FGGY: variants seen among roughly 807,000 people sequenced by gnomAD.
FGGY encodes FGGY carbohydrate kinase domain containing.
In FGGY, 72 loss-of-function variants were observed where a neutral mutation model predicts 71.3. That is an observed-to-expected ratio of 1.01 (90% CI 0.84 to 1.23). The LOEUF is 1.23. Ranked by LOEUF, FGGY falls within the 50% of genes most tolerant of loss-of-function variation. The pLI is 0.00. For synonymous variants in FGGY, 251 were observed against 250.3 expected, an observed-to-expected ratio of 1.00 and a Z score of -0.02; for missense variants, 668 against 682.3, an observed-to-expected ratio of 0.98 and a Z score of 0.23.
intron 14 of FGGY, among the ~76,000 whole-genome samples, chr1:59,712,364 T>G (rs547241002): frequency 2.0e-5 from 3 of 152,280 alleles, no homozygotes; most frequent in African/African-American, 7.2e-5. Context: ...AGGCGTGCAG[T>G]GCAAGCCATC....
chr1:59,492,407 T>C (rs2093894170), intron 6 of FGGY, among the ~76,000 whole-genome samples: 1 of 152,174 alleles, frequency 6.6e-6, no homozygotes, highest in African/African-American at 2.4e-5. Flanking sequence ...TGTACGGTGA[T>C]CTGGATGGCT....
chr1:59,457,091 C>T lies in FGGY; in HGVS notation c.670+15C>T, dbSNP rs760816449. 1.3e-6 allele frequency: 2 copies of T among 1,544,962 alleles called. No homozygotes were observed. The highest frequency in any genetic ancestry group is 3.3e-5 in the Admixed American group (2 of 59,890). ...CAGCAAAATAGGTAAAAGAATAAAA[C>T]ATCTGTAGAGTGATTATGTGCATTG... is the stretch of plus-strand genomic sequence containing the variant. On this transcript the variant is annotated intron_variant, in intron 6 of 15. Transcript: ENST00000303721.
intron 1 of FGGY, among the ~76,000 whole-genome samples, chr1:59,313,474 A>G (rs1208795495): frequency 6.6e-6 from 1 of 152,194 alleles, no homozygotes; most frequent in East Asian, 1.9e-4. Flanking sequence ...GATAACACAT[A>G]TTAAAAGATG....
intron 8 of FGGY, among the ~76,000 whole-genome samples, chr1:59,575,652 T>G (rs775260020): frequency 6.6e-5 from 10 of 152,178 alleles, no homozygotes; most frequent in Admixed American, 1.3e-4. Flanking sequence ...AATTTGTCAT[T>G]TTTTTGAGGA....
intron 2 of FGGY, among the ~76,000 whole-genome samples, chr1:59,324,976 A>G (rs185460269): frequency 1.6e-4 from 25 of 152,350 alleles, no homozygotes; most frequent in Non-Finnish European, 1.8e-4. Flanking sequence ...TGTTGAGTAC[A>G]TAAATGAATG....
In FGGY at chr1:59,464,808, A is replaced by T. The variant is rs956342857; in HGVS notation, c.670+7732A>T. Among the ~76,000 whole-genome samples the T allele has an allele frequency of 5.3e-5, 8 of 152,354 alleles. 1 individual carries two copies. The highest frequency in any genetic ancestry group is 1.2e-4 in the African/African-American group (5 of 41,582). ...AATTCCTGGACACATACACCTTCCCAAGACTAAACCAGGAAAAAGTTGAAT... is the reference window on the plus strand; with the variant it reads ...AATTCCTGGACACATACACCTTCCCTAGACTAAACCAGGAAAAAGTTGAAT... On this transcript the variant is annotated intron_variant, in intron 6 of 15. Coordinates refer to ENST00000303721, the MANE Select transcript of FGGY (RefSeq NM_018291.5).
At chr1:59,745,961 A>AG (rs1558976056) in intron 14 of FGGY, among the ~76,000 whole-genome samples, 2 of 152,310 alleles carry the variant, frequency 1.3e-5, no homozygotes, top group South Asian at 2.1e-4. Context: ...AGCAGTCTCA[A>AG]GGGGGGCTGT....
intron 14 of FGGY, among the ~76,000 whole-genome samples, chr1:59,687,165 A>G (rs2097549996): frequency 6.6e-6 from 1 of 152,150 alleles, no homozygotes; most frequent in African/African-American, 2.4e-5. Context: ...TTGGGAGGTA[A>G]TGGTGGGAGA....
chr1:59,634,293 G>C (rs903622356), intron 10 of FGGY, among the ~76,000 whole-genome samples: 1 of 152,146 alleles, frequency 6.6e-6, no homozygotes, highest in East Asian at 1.9e-4. Context: ...TGTAGTCCCA[G>C]CTACTCGGGA....
intron 5 of FGGY, among the ~76,000 whole-genome samples, chr1:59,381,004 C>A (rs1378962418): frequency 6.6e-6 from 1 of 152,030 alleles, no homozygotes; most frequent in African/African-American, 2.4e-5. Flanking sequence ...TCAGCTTTCT[C>A]CATATGGCTA....
chr1:59,306,942 T>C (rs1172901529), intron 1 of FGGY, among the ~76,000 whole-genome samples: 1 of 152,090 alleles, frequency 6.6e-6, no homozygotes, highest in African/African-American at 2.4e-5. Flanking sequence ...AAACAGGCTA[T>C]GGGAGAGAGA....
At chr1:59,660,507 G>T in intron 12 of FGGY, 1 of 399,522 alleles carries the variant, frequency 2.5e-6, no homozygotes, top group African/African-American at 2.1e-5. Context: ...AAGCTGAAAG[G>T]AGTTAAAATC....
At chr1:59,318,059 C>T (rs2045770193) in intron 1 of FGGY, among the ~76,000 whole-genome samples, 2 of 152,136 alleles carry the variant, frequency 1.3e-5, no homozygotes, top group Admixed American at 6.5e-5. Context: ...GGCAGTGGAG[C>T]ATCCTGAGAA....
At position 59,748,967 on chromosome 1, in the gene FGGY, A is replaced by G. The variant is rs140734422; in HGVS notation, c.1513-8964A>G. Among the ~76,000 whole-genome samples the G allele has an allele frequency of 1.2e-3, 190 of 152,274 alleles. 1 individual carries two copies. The highest frequency in any genetic ancestry group is 4.5e-3 in the African/African-American group (187 of 41,546). On this transcript the variant is annotated intron_variant, in intron 14 of 15. Coordinates refer to ENST00000303721, the MANE Select transcript of FGGY (RefSeq NM_018291.5). Reference sequence around the variant, plus strand: ...AGAATGAGAAAGGGGCTAGAGATTGAGTCAATCACCGATGGCCAATGATTT... The same window carrying G: ...AGAATGAGAAAGGGGCTAGAGATTGGGTCAATCACCGATGGCCAATGATTT...
At chr1:59,684,377 C>A (rs1466834349) in intron 14 of FGGY, among the ~76,000 whole-genome samples, 1 of 152,258 alleles carries the variant, frequency 6.6e-6, no homozygotes, top group African/African-American at 2.4e-5. Flanking sequence ...TGAGGAGTGA[C>A]TTCCACTGTC....
intron 5 of FGGY, among the ~76,000 whole-genome samples, chr1:59,424,419 C>T (rs889505309): frequency 4.4e-4 from 67 of 152,238 alleles, no homozygotes; most frequent in African/African-American, 1.3e-3. Flanking sequence ...TGGTGGCACA[C>T]GCCTGTAATT....
At chr1:59,644,347 T>G (rs1286818873) in intron 11 of FGGY, among the ~76,000 whole-genome samples, 2 of 152,214 alleles carry the variant, frequency 1.3e-5, no homozygotes, top group African/African-American at 4.8e-5. Context: ...TGTGACTAGC[T>G]GTTTCATTTT....
chr1:59,758,753 C>G (rs1183996628), intron 15 of FGGY, among the ~76,000 whole-genome samples: 1 of 152,168 alleles, frequency 6.6e-6, no homozygotes, highest in Admixed American at 6.5e-5. Context: ...CTATAAACAA[C>G]TCATAATCCA....
intron 6 of FGGY, among the ~76,000 whole-genome samples, chr1:59,470,095 A>G (rs2092863548): frequency 6.6e-6 from 1 of 152,130 alleles, no homozygotes; most frequent in Admixed American, 6.5e-5. Flanking sequence ...AATGATCTAT[A>G]TTCTTTGGGG....
Sources: allele counts gnomAD v4.1 joint callset (sites outside exome capture counted in the v4.1 genomes callset), GRCh38; gene constraint gnomAD v4.1.1; transcripts MANE v1.5; gene names NCBI Gene and HGNC (gene_info 2026-07-23, HGNC 2026-07-21).